The following MAP3K20 variants were observed in gnomAD, a reference collection of about 807,000 sequenced individuals.
The protein encoded by MAP3K20 is mitogen-activated protein kinase kinase kinase 20, also known as HCCS-4.
MAP3K20 carries 40 observed loss-of-function variants against 85.7 expected under a neutral mutation model. That is an observed-to-expected ratio of 0.47 (90% CI 0.36 to 0.61). The LOEUF is 0.61. MAP3K20 is among the 20% of genes least tolerant of loss of function. The probability of loss-of-function intolerance (pLI) is 0.00; values close to 1 mark genes in which losing one functional copy is unlikely to be tolerated. For missense variants in MAP3K20, 817 were observed against 961.7 expected, an observed-to-expected ratio of 0.85 and a Z score of 1.99; for synonymous variants, 325 against 327.7, an observed-to-expected ratio of 0.99 and a Z score of 0.09.
intron 1 of MAP3K20, among the ~76,000 whole-genome samples, chr2:173,080,475 A>C (rs1032474444): frequency 6.6e-6 from 1 of 152,190 alleles, no homozygotes; most frequent in Non-Finnish European, 1.5e-5. Flanking sequence ...TCTGGCGAGA[A>C]TCACCCATTG....
At chr2:173,165,321 GC>G (rs1295167488) in intron 2 of MAP3K20, among the ~76,000 whole-genome samples, 1 of 152,076 alleles carries the variant, frequency 6.6e-6, no homozygotes, top group Admixed American at 6.5e-5. Context: ...GGAGGCTGAG[GC>G]AGGAGAATTG....
intron 2 of MAP3K20, among the ~76,000 whole-genome samples, chr2:173,117,971 C>T (rs1688172592): frequency 6.6e-6 from 1 of 152,168 alleles, no homozygotes; most frequent in South Asian, 2.1e-4. Context: ...GATGTGAGTA[C>T]AGTGTCTAAA....
intron 10 of MAP3K20, among the ~76,000 whole-genome samples, chr2:173,213,852 G>GT (rs1308780989): frequency 1.4e-4 from 22 of 152,198 alleles, no homozygotes; most frequent in African/African-American, 5.1e-4. Flanking sequence ...AACTCAATAT[G>GT]TAAACTGCTG....
intron 11 of MAP3K20, chr2:173,223,387 T>C: frequency 1.1e-6 from 1 of 917,490 alleles, no homozygotes; most frequent in Non-Finnish European, 1.3e-6. Context: ...TTAAAAGAAA[T>C]AATATATGTA....
At chr2:173,164,787 C>T (rs1574071029) in intron 2 of MAP3K20, among the ~76,000 whole-genome samples, 2 of 152,138 alleles carry the variant, frequency 1.3e-5, no homozygotes, top group South Asian at 4.1e-4. Context: ...TTTAATATCT[C>T]TGAATCAGTC....
intron 2 of MAP3K20, among the ~76,000 whole-genome samples, chr2:173,095,952 T>G (rs1302878353): frequency 2.0e-5 from 3 of 152,252 alleles, no homozygotes; most frequent in African/African-American, 7.2e-5. Flanking sequence ...CCGCAACATT[T>G]TATTGTGAAA....
chr2:173,134,411 TA>T lies in MAP3K20; in HGVS notation c.160-35393del, dbSNP rs1559246000. 1.4e-3 allele frequency among the ~76,000 whole-genome samples: 14 copies of T among 10,178 alleles called. 1 individual carries two copies. Among genetic ancestry groups the T allele is most frequent in the Non-Finnish European group, 2.8e-3 (10 of 3,628 alleles). The allele number at this position is 10,178 out of a possible 152,430, so 6.7% of individuals were successfully genotyped here. ...CTCTATACATATATATATATATATA[TA>T]TATATATATATATATATTTTTTTTT... On this transcript the variant is annotated intron_variant, in intron 2 of 19. Coordinates refer to ENST00000375213, the MANE Select transcript of MAP3K20 (RefSeq NM_016653.3).
In MAP3K20 at chr2:173,234,978, G is replaced by A. The variant is rs191935991; in HGVS notation, c.1203+2519G>A. 1.9e-3 allele frequency among the ~76,000 whole-genome samples: 292 copies of A among 152,318 alleles called. 1 individual carries two copies. Among genetic ancestry groups the A allele is most frequent in the African/African-American group, 6.7e-3 (278 of 41,564 alleles). ...ATAAGCACTGCAGTGTAGCAAAAAC[G>A]CGAATGGAGAGAAGGGGAAGATGTC... On this transcript the variant is annotated intron_variant, in intron 14 of 19. Coordinates refer to ENST00000375213, the MANE Select transcript of MAP3K20 (RefSeq NM_016653.3).
chr2:173,089,174 C>T (rs1003137397), intron 1 of MAP3K20, among the ~76,000 whole-genome samples: 6 of 135,706 alleles, frequency 4.4e-5, no homozygotes, highest in Non-Finnish European at 1.0e-4. Flanking sequence ...CCCCTTCTAC[C>T]TTTTTATTTA....
At chr2:173,143,254 A>G (rs899115639) in intron 2 of MAP3K20, among the ~76,000 whole-genome samples, 2 of 152,212 alleles carry the variant, frequency 1.3e-5, no homozygotes, top group African/African-American at 4.8e-5. Flanking sequence ...AAATGATTTA[A>G]TAATGATGAT....
intron 2 of MAP3K20, among the ~76,000 whole-genome samples, chr2:173,100,132 G>A (rs943915347): frequency 3.3e-5 from 5 of 152,338 alleles, no homozygotes; most frequent in East Asian, 1.9e-4. Context: ...AATACAGTGG[G>A]CAAGCACATG....
rs142873735 is a variant in MAP3K20, at chr2:173,148,363, A to G, written c.160-21442A>G. On this transcript the variant is annotated intron_variant, in intron 2 of 19. Transcript: ENST00000375213. ...CCACTTTCTGGTAAAATTTTATGCT[A>G]TGAGAGGTAGGCTGTTTCATGGCTT... Among the ~76,000 whole-genome samples, 324 of 152,272 alleles carry G rather than the reference A, an allele frequency of 2.1e-3. 1 individual carries two copies. The highest frequency in any genetic ancestry group is 7.5e-3 in the African/African-American group (313 of 41,546).
chr2:173,134,428 ATT>A (rs1274644433), intron 2 of MAP3K20, among the ~76,000 whole-genome samples: 6 of 3,154 alleles, frequency 1.9e-3, no homozygotes, highest in Admixed American at 6.0e-3. Flanking sequence ...ATATATATAT[ATT>A]TTTTTTTTTT....
chr2:173,100,482 C>T (rs574590529), intron 2 of MAP3K20, among the ~76,000 whole-genome samples: 6 of 152,272 alleles, frequency 3.9e-5, no homozygotes, highest in Middle Eastern at 3.4e-3. Flanking sequence ...GGTATTGTGT[C>T]GCAGTGGACA....
chr2:173,230,073 G>A (rs533729268), intron 12 of MAP3K20, among the ~76,000 whole-genome samples: 22 of 152,140 alleles, frequency 1.4e-4, no homozygotes, highest in African/African-American at 3.9e-4. Context: ...CTCAAGTGAC[G>A]TGCCCGCCTC....
chr2:173,174,202 C>T (rs943542952), intron 3 of MAP3K20, among the ~76,000 whole-genome samples: 2 of 152,096 alleles, frequency 1.3e-5, no homozygotes, highest in South Asian at 4.2e-4. Flanking sequence ...TTTATTTAAT[C>T]ATGTATCTTT....
intron 9 of MAP3K20, among the ~76,000 whole-genome samples, chr2:173,205,539 A>G (rs918863623): frequency 2.0e-5 from 3 of 152,186 alleles, no homozygotes; most frequent in Non-Finnish European, 4.4e-5. Flanking sequence ...ACAAGGCAGC[A>G]AGGGACCAGT....
At chr2:173,118,134 C>G (rs1285781118) in intron 2 of MAP3K20, among the ~76,000 whole-genome samples, 2 of 152,174 alleles carry the variant, frequency 1.3e-5, no homozygotes, top group Non-Finnish European at 2.9e-5. Context: ...TTTGGTAGAC[C>G]TTAAGATTAA....
chr2:173,200,740 C>A (rs926575495), intron 8 of MAP3K20, among the ~76,000 whole-genome samples: 1 of 152,028 alleles, frequency 6.6e-6, no homozygotes, highest in African/African-American at 2.4e-5. Flanking sequence ...AGGCTGCCAC[C>A]ATTATCATAC....
Sources: gnomAD v4.1 joint callset for allele counts (sites outside exome capture counted in the v4.1 genomes callset) on GRCh38, gnomAD v4.1.1 for gene constraint, MANE v1.5 for transcripts, NCBI Gene and HGNC (gene_info 2026-07-23, HGNC 2026-07-21) for gene names.